Variants in CNTNAP2 observed in about 807,000 individuals in gnomAD.
The protein encoded by CNTNAP2 is contactin associated protein 2, also known as contactin-associated protein-like 2.
Under a neutral mutation model 155.2 loss-of-function variants are expected in CNTNAP2, and 98 were observed. The ratio of observed to expected loss-of-function variants is 0.63; its 90% CI spans 0.54 to 0.75. CNTNAP2 has a LOEUF of 0.75. Ranked by LOEUF, CNTNAP2 falls within the 30% of genes least tolerant of loss-of-function variation. The pLI is 0.00. For missense variants in CNTNAP2, 1,727 were observed against 1,688.1 expected (o/e 1.02, Z -0.40); for synonymous variants, 651 against 631.2 (o/e 1.03, Z -0.47).
chr7:146,765,360 A>G (rs1050133322), intron 1 of CNTNAP2, among the ~76,000 whole-genome samples: 7 of 152,212 alleles, frequency 4.6e-5, no homozygotes, highest in Admixed American at 2.0e-4. Flanking sequence ...GGATGAAGCC[A>G]TTTCTCTTTT....
chr7:147,884,524 T>G (rs145252294), intron 13 of CNTNAP2, among the ~76,000 whole-genome samples: 3 of 151,300 alleles, frequency 2.0e-5, no homozygotes, highest in Admixed American at 6.6e-5. Flanking sequence ...ATTGACATAA[T>G]GTGAAGAGCT....
chr7:146,429,918 G>A (rs1038013178), intron 1 of CNTNAP2, among the ~76,000 whole-genome samples: 1 of 152,096 alleles, frequency 6.6e-6, no homozygotes, highest in Admixed American at 6.6e-5. Flanking sequence ...TTTATTGAGA[G>A]TTTTTAACAT....
At chr7:146,839,433 T>C (rs1803676918) in intron 2 of CNTNAP2, among the ~76,000 whole-genome samples, 1 of 152,176 alleles carries the variant, frequency 6.6e-6, no homozygotes, top group Admixed American at 6.5e-5. Flanking sequence ...AATTAGACTT[T>C]GACATGTACT....
intron 8 of CNTNAP2, among the ~76,000 whole-genome samples, chr7:147,194,412 A>G (rs1452898407): frequency 6.6e-6 from 1 of 152,162 alleles, no homozygotes; most frequent in African/African-American, 2.4e-5. Flanking sequence ...GTGTCTTTAT[A>G]GTAGAATGGT....
intron 1 of CNTNAP2, among the ~76,000 whole-genome samples, chr7:146,303,010 A>G (rs1165950481): frequency 6.6e-6 from 1 of 152,078 alleles, no homozygotes. Context: ...CTAAAGTAAT[A>G]GGTACTAAAG....
chr7:146,352,901 C>G (rs913854354), intron 1 of CNTNAP2, among the ~76,000 whole-genome samples: 38 of 150,652 alleles, frequency 2.5e-4, no homozygotes, highest in African/African-American at 5.9e-4. Flanking sequence ...ACTACAGGCA[C>G]CCGCCACCAC....
chr7:146,824,995 G>C (rs1803373361), intron 2 of CNTNAP2, among the ~76,000 whole-genome samples: 1 of 151,562 alleles, frequency 6.6e-6, no homozygotes, highest in African/African-American at 2.4e-5. Context: ...ATGAAGAATT[G>C]ATATCTCTGT....
chr7:147,922,646 A>G (rs1023661533), intron 14 of CNTNAP2, among the ~76,000 whole-genome samples: 29 of 152,230 alleles, frequency 1.9e-4, no homozygotes, highest in African/African-American at 7.0e-4. Context: ...GATGCAGTCC[A>G]CAGAGTCTAA....
At chr7:147,575,277 C>T (rs1049221916) in intron 12 of CNTNAP2, among the ~76,000 whole-genome samples, 14 of 106,584 alleles carry the variant, frequency 1.3e-4, no homozygotes, top group African/African-American at 3.0e-4. Flanking sequence ...TTTAGGAGTA[C>T]GCATATGTGT....
intron 18 of CNTNAP2, among the ~76,000 whole-genome samples, chr7:148,210,194 C>CA (rs750219718): frequency 5.3e-5 from 8 of 152,172 alleles, no homozygotes; most frequent in Non-Finnish European, 1.2e-4. Context: ...TGGCCAAGGT[C>CA]AAAAAGCGAG....
At chr7:148,143,144 C>A (rs1051092479) in intron 16 of CNTNAP2, among the ~76,000 whole-genome samples, 1 of 152,088 alleles carries the variant, frequency 6.6e-6, no homozygotes, top group South Asian at 2.1e-4. Flanking sequence ...TTTGAAAGAA[C>A]CTTAGAGGTT....
At chr7:146,428,449 G>C (rs1259805404) in intron 1 of CNTNAP2, among the ~76,000 whole-genome samples, 1 of 151,962 alleles carries the variant, frequency 6.6e-6, no homozygotes, top group Admixed American at 6.6e-5. Flanking sequence ...TCTGACTGCT[G>C]TGAGATGGTG....
intron 1 of CNTNAP2, among the ~76,000 whole-genome samples, chr7:146,764,180 A>C: frequency 6.6e-6 from 1 of 152,160 alleles, no homozygotes; most frequent in Non-Finnish European, 1.5e-5. Flanking sequence ...CTTTAAGAGT[A>C]CTCAAGTTCA....
chr7:146,148,469 T>A (rs888568018), intron 1 of CNTNAP2, among the ~76,000 whole-genome samples: 3 of 152,134 alleles, frequency 2.0e-5, no homozygotes, highest in Admixed American at 1.3e-4. Flanking sequence ...CACAATAGAA[T>A]TCTCAATGTG....
intron 1 of CNTNAP2, among the ~76,000 whole-genome samples, chr7:146,322,408 G>A (rs73740436): frequency 0.08 from 12,097 of 152,064 alleles, 1,357 homozygotes; most frequent in African/African-American, 0.25. Flanking sequence ...GGCATTTTAT[G>A]ATTTTTACAA....
chr7:147,505,043 A>T (rs1446129889), intron 11 of CNTNAP2, among the ~76,000 whole-genome samples: 1 of 152,054 alleles, frequency 6.6e-6, no homozygotes, highest in Non-Finnish European at 1.5e-5. Flanking sequence ...TTCATAAAAC[A>T]CTAGTATGAT....
intron 3 of CNTNAP2, among the ~76,000 whole-genome samples, chr7:147,012,255 A>G (rs543021316): frequency 6.6e-6 from 1 of 152,280 alleles, no homozygotes; most frequent in South Asian, 2.1e-4. Context: ...GTAGTAATAG[A>G]TGTAAAAACC....
chr7:147,060,508 G>A (rs1799643137), intron 4 of CNTNAP2, among the ~76,000 whole-genome samples: 1 of 152,168 alleles, frequency 6.6e-6, no homozygotes, highest in South Asian at 2.1e-4. Context: ...GGAGCACAAG[G>A]TCAGGAGATC....
intron 1 of CNTNAP2, among the ~76,000 whole-genome samples, chr7:146,253,299 A>T (rs977236474): frequency 6.6e-6 from 1 of 152,158 alleles, no homozygotes; most frequent in Non-Finnish European, 1.5e-5. Flanking sequence ...AACCTAACAA[A>T]TTCTGTTTCT....
Sources: gnomAD v4.1 joint callset for allele counts (sites outside exome capture counted in the v4.1 genomes callset) on GRCh38, gnomAD v4.1.1 for gene constraint, MANE v1.5 for transcripts, NCBI Gene and HGNC (gene_info 2026-07-23, HGNC 2026-07-21) for gene names.